Variants in CAVIN4 observed in about 807,000 individuals in gnomAD.
CAVIN4 encodes the protein caveolae associated protein 4.
Under a neutral mutation model 18.6 loss-of-function variants are expected in CAVIN4, and 10 were observed. The observed-to-expected ratio is 0.54, with a 90% CI of 0.33 to 0.91. The LOEUF (loss-of-function observed/expected upper bound fraction) is 0.91. Among genes scored for constraint, CAVIN4 ranks in the 40% least tolerant of loss-of-function variants. CAVIN4 has a pLI of 0.02. For missense variants in CAVIN4, 459 were observed against 440.5 expected (o/e 1.04, Z -0.38); for synonymous variants, 173 against 164.8 (o/e 1.05, Z -0.38).
chr9:100,586,405 T>A lies in CAVIN4; in HGVS notation c.1049T>A (p.Val350Glu), dbSNP rs746449850. ...LKVTFKSQVKVEDDESLLLDL... is the reference protein window; with the variant it reads ...LKVTFKSQVKEEDDESLLLDL... The stretch of plus-strand genomic sequence containing the variant: ...GTTACTTTTAAATCTCAGGTGAAAG[T>A]AGAGGATGATGAATCTCTTTTGTTA... The change falls in exon 2 of 2, where the codon GTA becomes GAA. Residue 350 changes from valine (V) to glutamate (E), a missense_variant. Transcript: ENST00000307584. 1.2e-6 allele frequency: 2 copies of A among 1,614,080 alleles called. No individual in the cohort carries two copies. The highest frequency in any genetic ancestry group is 2.2e-5 in the South Asian group (2 of 91,070).
intron 1 of CAVIN4, among the ~76,000 whole-genome samples, chr9:100,582,256 C>T (rs965503164): frequency 6.6e-6 from 1 of 152,250 alleles, no homozygotes; most frequent in South Asian, 2.1e-4. Context: ...GGCTGGCTCT[C>T]AAGGTTTCCA....
rs1839503570 is a variant in CAVIN4, at chr9:100,588,143, C to T, written c.*1692C>T. 1.3e-5 allele frequency among the ~76,000 whole-genome samples: 2 copies of T among 152,192 alleles called. No individual in the cohort carries two copies. The highest frequency in any genetic ancestry group is 2.9e-5 in the Non-Finnish European group (2 of 68,044). On this transcript the variant is annotated 3_prime_UTR_variant, in exon 2 of 2. Transcript: ENST00000307584. The stretch of plus-strand genomic sequence containing the variant: ...TAAATCGGCTTTAAAATATTTGACT[C>T]AGTTACTCAGATGTTTGGGTTTGGG...
intron 1 of CAVIN4, among the ~76,000 whole-genome samples, chr9:100,578,809 T>C (rs1304647517): frequency 6.6e-6 from 1 of 152,246 alleles, no homozygotes; most frequent in African/African-American, 2.4e-5. Flanking sequence ...ATTTCTTGCC[T>C]TTGAAACTTA....
At chr9:100,585,703 T>C in intron 1 of CAVIN4, 62 bp from the exon 2 acceptor site, 2 of 1,323,466 alleles carry the variant, frequency 1.5e-6, no homozygotes, top group Non-Finnish European at 2.2e-6. Context: ...GGCCAGAAGG[T>C]AAAAGAGCTG....
intron 1 of CAVIN4, among the ~76,000 whole-genome samples, chr9:100,584,727 C>T (rs1839459862): frequency 6.6e-6 from 1 of 152,186 alleles, no homozygotes; most frequent in African/African-American, 2.4e-5. Context: ...CCTAAGATGT[C>T]AGAAACTTCT....
chr9:100,586,104 C>G lies in CAVIN4; in HGVS notation c.748C>G (p.Gln250Glu). ...RLRQSGERLRQSGERFKKSIS... is the reference protein window; with the variant it reads ...RLRQSGERLRESGERFKKSIS... ...GAGACAGTCAGGGGAGAGGCTGAGA[C>G]AGTCAGGGGAGAGGTTTAAGAAATC... The change falls in exon 2 of 2, where the codon CAG (glutamine) becomes GAG (glutamate). Residue 250 changes from glutamine to glutamate, a missense_variant. Coordinates refer to ENST00000307584, the MANE Select transcript of CAVIN4 (RefSeq NM_001018116.2). The G allele has an allele frequency of 1.3e-5, 21 of 1,607,450 alleles. No homozygotes were observed. The highest frequency in any genetic ancestry group is 1.8e-5 in the Non-Finnish European group (21 of 1,176,480).
At position 100,586,082 on chromosome 9, in the gene CAVIN4, ACAGT is replaced by A. The variant is rs770571523; in HGVS notation, c.730_733del (p.Ser244GlyfsTer4). On this transcript the variant is annotated frameshift_variant, in exon 2 of 2. Transcript: ENST00000307584. Reference sequence around the variant, plus strand: ...TAAGGCAGTCAGGAGAGAGGCTGAGACAGTCAGGGGAGAGGCTGAGACAGTCAGG... The same window carrying A: ...TAAGGCAGTCAGGAGAGAGGCTGAGACAGGGGAGAGGCTGAGACAGTCAGG... 4 of 1,612,430 alleles carry A rather than the reference ACAGT, an allele frequency of 2.5e-6. No homozygotes were observed. The highest frequency in any genetic ancestry group is 2.5e-6 in the Non-Finnish European group (3 of 1,179,146).
chr9:100,577,806 G>A (rs938980022), upstream of CAVIN4, among the ~76,000 whole-genome samples: 6 of 152,128 alleles, frequency 3.9e-5, no homozygotes, highest in African/African-American at 1.4e-4. Flanking sequence ...AACATTTGGA[G>A]TTTGCTTTTT....
intron 1 of CAVIN4, 137 bp from the exon 2 acceptor site, chr9:100,585,628 C>CTAAGAAATGG: frequency 1.3e-6 from 1 of 750,910 alleles, no homozygotes; most frequent in Non-Finnish European, 2.3e-6. Context: ...AAGAGAAACC[C>CTAAGAAATGG]TAAGAAATGG....
chr9:100,582,519 A>C lies in CAVIN4; in HGVS notation c.409-3246A>C, dbSNP rs893830279. ...CATCACCTTGCCTGGCTACACTTTAAAATTTTCGTGGAGGTCTCACTTTGT... is the reference window on the plus strand; with the variant it reads ...CATCACCTTGCCTGGCTACACTTTACAATTTTCGTGGAGGTCTCACTTTGT... On this transcript the variant is annotated intron_variant, in intron 1 of 1. Transcript: ENST00000307584. 1.3e-5 allele frequency among the ~76,000 whole-genome samples: 2 copies of C among 151,984 alleles called. 1 individual carries two copies. Among genetic ancestry groups the C allele is most frequent in the Admixed American group, 1.3e-4 (2 of 15,232 alleles).
In CAVIN4 at chr9:100,586,748, G is replaced by T; in HGVS notation, c.*297G>T. 1 of 227,384 alleles carries T rather than the reference G, an allele frequency of 4.4e-6. No individual in the cohort carries two copies. Among genetic ancestry groups the T allele is most frequent in the South Asian group, 7.9e-5 (1 of 12,582 alleles). 14.1% of individuals were successfully genotyped at this position (227,384 alleles called of 1,614,324 possible). A position where few individuals can be genotyped will look rare whatever the true frequency, so the allele number is the denominator to read the frequency against. Reference sequence around the variant, plus strand: ...GCAGGAGAACTCTAAATATTGGTTAGGATTAATATTGTGGCCAGCCTCAAA... The same window carrying T: ...GCAGGAGAACTCTAAATATTGGTTATGATTAATATTGTGGCCAGCCTCAAA... On this transcript the variant is annotated 3_prime_UTR_variant, in exon 2 of 2. Coordinates refer to ENST00000307584, the MANE Select transcript of CAVIN4 (RefSeq NM_001018116.2).
In CAVIN4 at chr9:100,579,048, T is replaced by C. The variant is rs556909737; in HGVS notation, c.408+497T>C. On this transcript the variant is annotated intron_variant, in intron 1 of 1. Coordinates refer to ENST00000307584, the MANE Select transcript of CAVIN4 (RefSeq NM_001018116.2). ...AACTTTTCAGAATGTGATTTGTGTA[T>C]TGGAATTTTTACATATAGATCACAA... 9.2e-5 allele frequency among the ~76,000 whole-genome samples: 14 copies of C among 152,316 alleles called. No individual in the cohort carries two copies. In the South Asian group the frequency reaches 2.9e-3, roughly 32 times the overall value.
At chr9:100,583,624 CATT>C (rs891450050) in intron 1 of CAVIN4, among the ~76,000 whole-genome samples, 3 of 42,864 alleles carry the variant, frequency 7.0e-5, no homozygotes, top group Admixed American at 6.0e-4. Context: ...TTTATTCATT[CATT>C]CATTCATTCA....
intron 1 of CAVIN4, among the ~76,000 whole-genome samples, chr9:100,579,684 A>G (rs1409489450): frequency 6.6e-6 from 1 of 152,250 alleles, no homozygotes; most frequent in Non-Finnish European, 1.5e-5. Flanking sequence ...TGATGCATAT[A>G]AAGTGTTATT....
intron 1 of CAVIN4, among the ~76,000 whole-genome samples, chr9:100,581,998 A>C (rs957950164): frequency 6.6e-6 from 1 of 152,186 alleles, no homozygotes; most frequent in African/African-American, 2.4e-5. Context: ...TATCCAAAGA[A>C]ATAAGGTTCC....
At chr9:100,584,359 A>C (rs532849264) in intron 1 of CAVIN4, among the ~76,000 whole-genome samples, 15 of 152,278 alleles carry the variant, frequency 9.9e-5, no homozygotes, top group Non-Finnish European at 1.9e-4. Context: ...AGTTTCTAGA[A>C]CCAGAAAATT....
chr9:100,581,931 C>G (rs1369032074), intron 1 of CAVIN4, among the ~76,000 whole-genome samples: 1 of 152,136 alleles, frequency 6.6e-6, no homozygotes, highest in African/African-American at 2.4e-5. Context: ...CCACCCCTGC[C>G]TTTTTTAGCT....
At chr9:100,584,609 G>A (rs992038753) in intron 1 of CAVIN4, among the ~76,000 whole-genome samples, 1 of 152,250 alleles carries the variant, frequency 6.6e-6, no homozygotes, top group African/African-American at 2.4e-5. Flanking sequence ...ACAGAGGTAT[G>A]TATGTGTAAA....
At chr9:100,583,485 C>T (rs1386436609) in intron 1 of CAVIN4, among the ~76,000 whole-genome samples, 1 of 152,190 alleles carries the variant, frequency 6.6e-6, no homozygotes, top group African/African-American at 2.4e-5. Flanking sequence ...CACCCTTACC[C>T]AGTGCTCCCT....
Sources: gnomAD v4.1 joint callset for allele counts (sites outside exome capture counted in the v4.1 genomes callset) on GRCh38, gnomAD v4.1.1 for gene constraint, MANE v1.5 for transcripts, NCBI Gene and HGNC (gene_info 2026-07-23, HGNC 2026-07-21) for gene names.